The following SLC9A1 variants were observed in gnomAD, a reference collection of about 807,000 sequenced individuals.
SLC9A1 encodes the protein solute carrier family 9 member A1.
SLC9A1 carries 22 observed loss-of-function variants against 67.9 expected under a neutral mutation model. The ratio of observed to expected loss-of-function variants is 0.32; its 90% CI spans 0.23 to 0.46. SLC9A1 has a LOEUF of 0.46. SLC9A1 is among the 20% of genes least tolerant of loss of function. The probability of loss-of-function intolerance (pLI) is 1.00; values close to 1 mark genes in which losing one functional copy is unlikely to be tolerated. For synonymous variants in SLC9A1, 421 were observed against 471.8 expected, an observed-to-expected ratio of 0.89 and a Z score of 1.40; for missense variants, 686 against 1,094.8, an observed-to-expected ratio of 0.63 and a Z score of 5.27.
intron 1 of SLC9A1, among the ~76,000 whole-genome samples, chr1:27,138,395 C>T (rs1490742748): frequency 6.6e-6 from 1 of 151,282 alleles, no homozygotes; most frequent in Non-Finnish European, 1.5e-5. Flanking sequence ...AGGACACTTA[C>T]CACTACCTGA....
Position 27,101,671 on chromosome 1 carries a change from G to A in SLC9A1, c.2037+54C>T, listed in dbSNP as rs111805152. 1.9e-5 allele frequency: 24 copies of A among 1,292,680 alleles called. No individual in the cohort carries two copies. Among genetic ancestry groups the A allele is most frequent in the African/African-American group, 1.6e-4 (11 of 68,610 alleles). The allele number at this position is 1,292,680 out of a possible 1,614,324, so 80.1% of individuals were successfully genotyped here. A position where few individuals can be genotyped will look rare whatever the true frequency, so the allele number is the denominator to read the frequency against. ...GGTACATTTCCTTAGAGGCTGTGGCGGAGCTTGGGCGAGTGGGGTGGGATA... is the reference window on the plus strand; with the variant it reads ...GGTACATTTCCTTAGAGGCTGTGGCAGAGCTTGGGCGAGTGGGGTGGGATA... On this transcript the variant is annotated intron_variant, in intron 10 of 11. Transcript: ENST00000263980. The surrounding 1 kb of genome is among the most constrained non-coding windows in gnomAD (Gnocchi z 4.9).
chr1:27,153,660 G>C (rs982596568), intron 1 of SLC9A1, among the ~76,000 whole-genome samples: 2 of 152,208 alleles, frequency 1.3e-5, no homozygotes, highest in African/African-American at 4.8e-5. Flanking sequence ...GGGGTGCCTG[G>C]CTCCCCTGGG....
intron 1 of SLC9A1, among the ~76,000 whole-genome samples, chr1:27,134,935 C>T (rs971181886): frequency 4.6e-5 from 7 of 150,724 alleles, no homozygotes; most frequent in Admixed American, 6.6e-5. Context: ...TGGGGTTTCA[C>T]CATGTTGGCC....
At position 27,105,431 on chromosome 1, in the gene SLC9A1, C is replaced by G. The variant is rs1036524743; in HGVS notation, c.1485+454G>C. On this transcript the variant is annotated intron_variant, in intron 5 of 11. Transcript: ENST00000263980. ...TCTCCTGCCTCAGCCTCCCAAGTAG[C>G]TGGAATTACAGGTATGCATCACCAT... 71 of 381,012 alleles carry G rather than the reference C, an allele frequency of 1.9e-4. 1 individual carries two copies. In the Admixed American group the frequency reaches 2.7e-3, roughly 14 times the overall value. The allele number at this position is 381,012 out of a possible 1,614,324, so 23.6% of individuals were successfully genotyped here.
At chr1:27,112,458 G>A (rs748015616) in intron 2 of SLC9A1, among the ~76,000 whole-genome samples, 3 of 152,232 alleles carry the variant, frequency 2.0e-5, no homozygotes, top group South Asian at 2.1e-4. Context: ...ACAACACAAC[G>A]TGAGCATGCA....
At chr1:27,107,520 C>T in intron 4 of SLC9A1, 128 bp downstream of exon 4, 1 of 710,904 alleles carries the variant, frequency 1.4e-6, no homozygotes, top group Admixed American at 2.1e-5. Flanking sequence ...GCACCACATG[C>T]ACACACCACA....
intron 1 of SLC9A1, among the ~76,000 whole-genome samples, chr1:27,119,397 G>A (rs992486456): frequency 6.6e-6 from 1 of 152,122 alleles, no homozygotes; most frequent in Non-Finnish European, 1.5e-5. Context: ...GGGCTCTGTC[G>A]CCCTACTTCC....
intron 1 of SLC9A1, among the ~76,000 whole-genome samples, chr1:27,135,755 G>A (rs147369263): frequency 1.1e-3 from 169 of 152,274 alleles, no homozygotes; most frequent in Non-Finnish European, 2.1e-3. Flanking sequence ...GTATTCATAC[G>A]AGGCAACACC....
At chr1:27,125,641 C>A (rs35122057) in intron 1 of SLC9A1, among the ~76,000 whole-genome samples, 4,219 of 151,476 alleles carry the variant, frequency 0.028, 98 homozygotes, top group Non-Finnish European at 0.044. Flanking sequence ...TGTCTCCAGG[C>A]CGGAGTGCAG....
Position 27,101,084 on chromosome 1 carries a change from G to T in SLC9A1, c.2110+119C>A. 1.4e-6 allele frequency: 1 copy of T among 732,250 alleles called. No individual in the cohort carries two copies. The highest frequency in any genetic ancestry group is 2.3e-6 in the Non-Finnish European group (1 of 437,466). 45.4% of individuals were successfully genotyped at this position (732,250 alleles called of 1,614,324 possible). A position where few individuals can be genotyped will look rare whatever the true frequency, so the allele number is the denominator to read the frequency against. ...AGCTCATGGCTTGGGAGGGGATCCT[G>T]AGGTCAGCGAGGGCCAGGCCTGTCC... is the stretch of plus-strand genomic sequence containing the variant. On this transcript the variant is annotated intron_variant, in intron 11 of 11. Coordinates refer to ENST00000263980, the MANE Select transcript of SLC9A1 (RefSeq NM_003047.5). The surrounding 1 kb of genome is among the most constrained non-coding windows in gnomAD (Gnocchi z 4.9).
chr1:27,122,111 T>C (rs918001637), intron 1 of SLC9A1, among the ~76,000 whole-genome samples: 15 of 151,942 alleles, frequency 9.9e-5, no homozygotes, highest in African/African-American at 3.1e-4. Flanking sequence ...TGAGACTCCA[T>C]CTCAAAAATA....
chr1:27,125,112 C>A (rs1419623292), intron 1 of SLC9A1, among the ~76,000 whole-genome samples: 1 of 152,026 alleles, frequency 6.6e-6, no homozygotes, highest in Non-Finnish European at 1.5e-5. Context: ...TAGACATGAA[C>A]AGACCCTGAC....
chr1:27,113,678 G>T, intron 2 of SLC9A1, 148 bp downstream of exon 2: 1 of 661,116 alleles, frequency 1.5e-6, no homozygotes, highest in Non-Finnish European at 2.6e-6. Flanking sequence ...ATGCCGAAGG[G>T]CTCAGCATGG....
intron 1 of SLC9A1, among the ~76,000 whole-genome samples, chr1:27,128,080 C>A (rs2083357799): frequency 6.6e-6 from 1 of 152,212 alleles, no homozygotes; most frequent in Non-Finnish European, 1.5e-5. Flanking sequence ...TCTGTCCATG[C>A]CAGCAACTGT....
At position 27,109,865 on chromosome 1, in the gene SLC9A1, T is replaced by A; in HGVS notation, c.814-88A>T. On this transcript the variant is annotated intron_variant, in intron 2 of 11. Transcript: ENST00000263980. The surrounding 1 kb of genome is among the most constrained non-coding windows in gnomAD (Gnocchi z 5.5). The stretch of plus-strand genomic sequence containing the variant: ...GTCCACCCAGGGCAATCCTGTCCCC[T>A]CCGTTAACCATGGCCACAAGAAGAG... 1 of 1,466,314 alleles carries A rather than the reference T, an allele frequency of 6.8e-7. No individual in the cohort carries two copies. The highest frequency in any genetic ancestry group is 1.2e-5 in the South Asian group (1 of 81,542). The allele number at this position is 1,466,314 out of a possible 1,614,324, so 90.8% of individuals were successfully genotyped here.
chr1:27,114,139 G>A lies in SLC9A1; in HGVS notation c.500C>T (p.Pro167Leu), dbSNP rs2124155500. 3 of 1,614,198 alleles carry A rather than the reference G, an allele frequency of 1.9e-6. No homozygotes were observed. The highest frequency in any genetic ancestry group is 2.2e-5 in the South Asian group (2 of 91,090). The change falls in exon 2 of 12, where the codon CCG becomes CTG. Residue 167 changes from proline (P) to leucine (L), a missense_variant. Physicochemically the swap from Pro to Leu is moderately conservative, Grantham distance 98. This residue lies in a region of SLC9A1 where 29 missense variants were observed against 71.9 expected (regional missense o/e 0.40). Transcript: ENST00000263980. This position sits in a 1 kb window ranked among gnomAD's most constrained non-coding sequence, Gnocchi z 5.4. ...GTAGCCCGCATCCAGGATGATGGGCGGCAGCAGGAAGAGGAAGAAGACGTC... is the reference window on the plus strand; with the variant it reads ...GTAGCCCGCATCCAGGATGATGGGCAGCAGCAGGAAGAGGAAGAAGACGTC... ...QSDVFFLFLL[P>L]PIILDAGYFL...
chr1:27,100,923 C>T lies in SLC9A1; in HGVS notation c.2111-279G>A, dbSNP rs556523594. Among the ~76,000 whole-genome samples the T allele has an allele frequency of 2.5e-4, 38 of 152,328 alleles. No homozygotes were observed. The Middle Eastern group carries it at 0.01, about 41-fold the overall frequency. ...AGTCTGCCCTGGGGCCCTGCCCTCA[C>T]GTTCCCCACACGTGTTGGGGGTCTC... On this transcript the variant is annotated intron_variant, in intron 11 of 11. Coordinates refer to ENST00000263980, the MANE Select transcript of SLC9A1 (RefSeq NM_003047.5). The surrounding 1 kb of genome is among the most constrained non-coding windows in gnomAD (Gnocchi z 5.6).
At chr1:27,122,195 G>A (rs866652413) in intron 1 of SLC9A1, among the ~76,000 whole-genome samples, 1 of 152,034 alleles carries the variant, frequency 6.6e-6, no homozygotes, top group African/African-American at 2.4e-5. Context: ...CCACACCCCC[G>A]CCCTCCCCAG....
Position 27,101,124 on chromosome 1 carries a change from G to T in SLC9A1, c.2110+79C>A. 8.9e-7 allele frequency: 1 copy of T among 1,126,488 alleles called. No homozygotes were observed. The highest frequency in any genetic ancestry group is 1.3e-6 in the Non-Finnish European group (1 of 763,446). 69.8% of individuals were successfully genotyped at this position (1,126,488 alleles called of 1,614,324 possible). ...CAGGCCTGTCCTCCCAGTGGCTGAG[G>T]ACTGTTCCTGTGGAGCCCCATCCTC... On this transcript the variant is annotated intron_variant, in intron 11 of 11. Transcript: ENST00000263980. The surrounding 1 kb of genome is among the most constrained non-coding windows in gnomAD (Gnocchi z 4.9).
Sources: gnomAD v4.1 joint callset for allele counts (sites outside exome capture counted in the v4.1 genomes callset) on GRCh38, gnomAD v4.1.1 for gene constraint, gnomAD v4.1.1 regional missense constraint, Gnocchi (gnomAD v3.1) non-coding constraint, MANE v1.5 for transcripts, NCBI Gene and HGNC (gene_info 2026-07-23, HGNC 2026-07-21) for gene names.